Variants in SCUBE2 observed in about 807,000 individuals in gnomAD.
SCUBE2 encodes the protein signal peptide, CUB domain and EGF like domain containing 2, also known as signal peptide, CUB and EGF-like domain-containing protein 2.
In SCUBE2, 114 loss-of-function variants were observed where a neutral mutation model predicts 125.9. The observed-to-expected ratio is 0.91, with a 90% CI of 0.78 to 1.06. SCUBE2 has a LOEUF of 1.06. Among genes scored for constraint, SCUBE2 ranks in the 50% least tolerant of loss-of-function variants. SCUBE2 has a pLI of 0.00. For missense variants in SCUBE2, 1,255 were observed against 1,301.8 expected (o/e 0.96, Z 0.55); for synonymous variants, 459 against 492.9 (o/e 0.93, Z 0.91).
intron 22 of SCUBE2, 42 bp downstream of exon 22, chr11:9,021,834 C>T (rs1416689933): frequency 4.2e-6 from 6 of 1,415,280 alleles, no homozygotes; most frequent in Non-Finnish European, 4.0e-6. Flanking sequence ...ACTCGGGAAG[C>T]TCTGTGGATA....
chr11:9,058,134 T>G (rs72632953), intron 9 of SCUBE2, among the ~76,000 whole-genome samples: 2 of 152,024 alleles, frequency 1.3e-5, no homozygotes, highest in Non-Finnish European at 2.9e-5. Context: ...CCTCTCTGCC[T>G]TCCCTCTCTT....
intron 3 of SCUBE2, among the ~76,000 whole-genome samples, 193 bp downstream of exon 3, chr11:9,079,191 A>G (rs563558317): frequency 1.1e-4 from 17 of 152,378 alleles, no homozygotes; most frequent in African/African-American, 4.1e-4. Flanking sequence ...GGACTAACAG[A>G]AGATTTATGT....
chr11:9,061,861 C>T (rs1349551625), intron 7 of SCUBE2, among the ~76,000 whole-genome samples: 3 of 152,172 alleles, frequency 2.0e-5, no homozygotes, highest in African/African-American at 7.2e-5. Flanking sequence ...TGGTAAACTC[C>T]TGTGAGCCCC....
In SCUBE2 at chr11:9,079,582, G is replaced by A. The variant is rs1039798814; in HGVS notation, c.257-73C>T. ...GTGAAAACATATGCACTTACCTCCA[G>A]CCATTCCACTTCTAGGAATCTACCT... On this transcript the variant is annotated intron_variant, in intron 2 of 22. Transcript: ENST00000649792. 5.4e-6 allele frequency: 8 copies of A among 1,470,710 alleles called. No individual in the cohort carries two copies. In the Admixed American group the frequency reaches 1.5e-4, roughly 28 times the overall value. The allele number at this position is 1,470,710 out of a possible 1,614,324, so 91.1% of individuals were successfully genotyped here.
intron 21 of SCUBE2, 183 bp from the exon 22 acceptor site, chr11:9,022,138 C>A: frequency 1.8e-6 from 1 of 567,708 alleles, no homozygotes; most frequent in Non-Finnish European, 3.2e-6. Flanking sequence ...CTCTCTTCAC[C>A]TACCAGCATC....
At chr11:9,023,405 T>G (rs1855471663) in intron 21 of SCUBE2, among the ~76,000 whole-genome samples, 1 of 152,228 alleles carries the variant, frequency 6.6e-6, no homozygotes, top group Non-Finnish European at 1.5e-5. Context: ...AGAATACATT[T>G]TCTTTTCATC....
chr11:9,076,774 G>A (rs1335517187), intron 3 of SCUBE2, among the ~76,000 whole-genome samples: 1 of 152,122 alleles, frequency 6.6e-6, no homozygotes. Context: ...CCACACTACT[G>A]AGCAGATGTC....
chr11:9,019,945 C>T lies in SCUBE2; in HGVS notation c.*1100G>A, dbSNP rs1176189181. Among the ~76,000 whole-genome samples the T allele has an allele frequency of 6.6e-6, 1 of 152,104 alleles. No homozygotes were observed. The highest frequency in any genetic ancestry group is 1.5e-5 in the Non-Finnish European group (1 of 68,024). On this transcript the variant is annotated 3_prime_UTR_variant, in exon 23 of 23. Coordinates refer to ENST00000649792, the MANE Select transcript of SCUBE2 (RefSeq NM_001367977.2). ...GATCGTGAGGCCCTGCTGGCCTGAC[C>T]CAAAGTGAGATGATCGTGTGGCATT...
chr11:9,037,248 A>C (rs1483117167), intron 16 of SCUBE2, among the ~76,000 whole-genome samples: 1 of 152,196 alleles, frequency 6.6e-6, no homozygotes, highest in Non-Finnish European at 1.5e-5. Context: ...TTGCCCCCAG[A>C]ACACTTCACT....
Position 9,033,697 on chromosome 11 carries a change from T to C in SCUBE2, c.2102A>G (p.Glu701Gly). The part of the protein sequence containing the change: ...FQNEEGQMTC[E>G]PCPRPGNSGA... ...AGAATTTCCTGGTCTTGGGCATGGT[T>C]CACAAGTCATTTGTCCTTCCTCATT... is the stretch of plus-strand genomic sequence containing the variant. Residue 701 changes from glutamate to glycine, a missense_variant, in exon 17 of 23, where the codon GAA becomes GGA. By Grantham distance (98) the Glu-to-Gly change is moderately conservative. Coordinates refer to ENST00000649792, the MANE Select transcript of SCUBE2 (RefSeq NM_001367977.2). The C allele has an allele frequency of 6.2e-7, 1 of 1,614,148 alleles. No homozygotes were observed. The highest frequency in any genetic ancestry group is 8.5e-7 in the Non-Finnish European group (1 of 1,180,034).
At chr11:9,033,904 G>A (rs186190718) in intron 16 of SCUBE2, 108 bp from the exon 17 acceptor site, 83 of 1,086,630 alleles carry the variant, frequency 7.6e-5, no homozygotes, top group Non-Finnish European at 9.4e-5. Context: ...CACCACCCAC[G>A]GCATGCAAAC....
intron 16 of SCUBE2, among the ~76,000 whole-genome samples, chr11:9,045,813 C>T (rs1857672942): frequency 6.6e-6 from 1 of 152,066 alleles, no homozygotes; most frequent in South Asian, 2.1e-4. Flanking sequence ...TTCAACATTG[C>T]TGTCAGACCT....
At chr11:9,022,852 C>T (rs1855421089) in intron 21 of SCUBE2, 1 of 152,248 alleles carries the variant, frequency 6.6e-6, no homozygotes, top group Non-Finnish European at 1.5e-5. Flanking sequence ...TCCTTTCCCT[C>T]TCACCTCCCC....
At chr11:9,087,020 C>A (rs1862147196) in intron 2 of SCUBE2, among the ~76,000 whole-genome samples, 1 of 151,966 alleles carries the variant, frequency 6.6e-6, no homozygotes. Context: ...ATGGGAGGCT[C>A]TTTAATTTTT....
At chr11:9,077,316 A>G (rs917138907) in intron 3 of SCUBE2, among the ~76,000 whole-genome samples, 1 of 152,146 alleles carries the variant, frequency 6.6e-6, no homozygotes, top group African/African-American at 2.4e-5. Context: ...CAGAGTTAAG[A>G]ACAACTGCTA....
At chr11:9,026,099 T>C (rs1037818690) in intron 20 of SCUBE2, 3 of 407,850 alleles carry the variant, frequency 7.4e-6, no homozygotes, top group Non-Finnish European at 1.3e-5. Flanking sequence ...CAGCCCAGGC[T>C]GTACCGTTCA....
Position 9,050,652 on chromosome 11 carries a change from C to T in SCUBE2, c.1593G>A (p.Leu531=). 1 of 1,614,230 alleles carries T rather than the reference C, an allele frequency of 6.2e-7. No individual in the cohort carries two copies. Residue 531 remains leucine (L), a synonymous_variant, in exon 14 of 23, where the codon TTG becomes TTA. Transcript: ENST00000649792. ...TFKLNEGKCS[L]KNAELFPEGL... Reference sequence around the variant, plus strand: ...CCTCGGGAAACAGCTCAGCATTTTTCAAACTACACTTGCCTTCATTTAGCT... The same window carrying T: ...CCTCGGGAAACAGCTCAGCATTTTTTAAACTACACTTGCCTTCATTTAGCT...
intron 2 of SCUBE2, among the ~76,000 whole-genome samples, chr11:9,089,199 G>C (rs1244557448): frequency 6.6e-6 from 1 of 152,202 alleles, no homozygotes; most frequent in African/African-American, 2.4e-5. Flanking sequence ...CTCCAAACGA[G>C]GAAGGTCCTT....
chr11:9,085,909 T>C (rs557520792), intron 2 of SCUBE2, among the ~76,000 whole-genome samples: 2 of 151,632 alleles, frequency 1.3e-5, no homozygotes, highest in Non-Finnish European at 2.9e-5. Flanking sequence ...CACAGCTCAC[T>C]GCAACCTCCA....
Sources: allele counts gnomAD v4.1 joint callset (sites outside exome capture counted in the v4.1 genomes callset), GRCh38; gene constraint gnomAD v4.1.1; transcripts MANE v1.5; gene names NCBI Gene and HGNC (gene_info 2026-07-23, HGNC 2026-07-21).